Variants in UPRT observed in about 807,000 individuals in gnomAD.
UPRT encodes uracil phosphoribosyltransferase homolog, also known as RP11-311P8.3.
UPRT carries 5 observed loss-of-function variants against 22.6 expected under a neutral mutation model. The observed-to-expected ratio is 0.22, with a 90% CI of 0.12 to 0.47. The LOEUF (loss-of-function observed/expected upper bound fraction) is 0.47, where lower values mean the gene tolerates loss of function less well. Among genes scored for constraint, UPRT ranks in the 20% least tolerant of loss-of-function variants. The pLI, the probability that UPRT is intolerant of heterozygous loss-of-function variation, is 0.99. For missense variants in UPRT, 181 were observed against 239.9 expected, an observed-to-expected ratio of 0.75 and a Z score of 1.62; for synonymous variants, 77 against 87.7, an observed-to-expected ratio of 0.88 and a Z score of 0.68.
At chrX:75,197,341 T>G (rs1374549216) in intron 4 of UPRT, among the ~76,000 whole-genome samples, 1 of 111,650 alleles carries the variant, frequency 9.0e-6, no homozygotes, top group Non-Finnish European at 1.9e-5. Flanking sequence ...AATTCACAGT[T>G]AAAAGTTACA....
intron 4 of UPRT, among the ~76,000 whole-genome samples, chrX:75,267,186 C>T (rs2082592491): frequency 8.9e-6 from 1 of 111,888 alleles, no homozygotes; most frequent in African/African-American, 3.2e-5. Context: ...TTGGAACCAA[C>T]CGAAATGTCC....
At chrX:75,179,809 C>T (rs964019788) in intron 4 of UPRT, among the ~76,000 whole-genome samples, 2 of 112,628 alleles carry the variant, frequency 1.8e-5, no homozygotes, top group African/African-American at 6.4e-5. Flanking sequence ...CTGGCTGCTC[C>T]GAGCGCGGGG....
At chrX:75,189,113 G>T (rs757402539) in intron 4 of UPRT, among the ~76,000 whole-genome samples, 1 of 112,191 alleles carries the variant, frequency 8.9e-6, no homozygotes, top group East Asian at 2.8e-4. Flanking sequence ...TCTCTTGTGG[G>T]CATTTAGTGC....
intron 4 of UPRT, among the ~76,000 whole-genome samples, chrX:75,257,057 A>G (rs1179884833): frequency 8.9e-6 from 1 of 111,847 alleles, no homozygotes; most frequent in Non-Finnish European, 1.9e-5. Flanking sequence ...CCAGGAAAAA[A>G]CATAACCAAA....
chrX:75,251,637 C>G (rs2082530244), intron 4 of UPRT, among the ~76,000 whole-genome samples: 1 of 111,459 alleles, frequency 9.0e-6, no homozygotes, highest in Non-Finnish European at 1.9e-5. Context: ...GCCATACTGC[C>G]CAAGGTAATT....
chrX:75,272,334 A>ATATATATATG (rs1569279483), upstream of UPRT, among the ~76,000 whole-genome samples: 4 of 94,882 alleles, frequency 4.2e-5, no homozygotes, highest in African/African-American at 1.7e-4. Flanking sequence ...ATATATGTAT[A>ATATATATATG]TATATATATA....
chrX:75,293,456 T>C lies in UPRT; in HGVS notation c.387-16T>C, dbSNP rs753334146. 1.7e-6 allele frequency: 2 copies of C among 1,200,262 alleles called. No homozygotes were observed. Among genetic ancestry groups the C allele is most frequent in the South Asian group, 1.8e-5 (1 of 54,765 alleles). ...AAGCTCTAATTTAGACTAAAACTTGTATTATCTTTTTTTAGGACAGCCAGT... is the reference window on the plus strand; with the variant it reads ...AAGCTCTAATTTAGACTAAAACTTGCATTATCTTTTTTTAGGACAGCCAGT... On this transcript the variant is annotated splice_polypyrimidine_tract_variant and intron_variant, in intron 1 of 6. Transcript: ENST00000373383.
intron 4 of UPRT, among the ~76,000 whole-genome samples, chrX:75,235,788 G>A (rs2082460283): frequency 9.0e-6 from 1 of 111,473 alleles, no homozygotes; most frequent in Non-Finnish European, 1.9e-5. Flanking sequence ...GGTATTGCTG[G>A]GATGTATCTC....
At chrX:75,300,699 A>G (rs2082741032) in intron 5 of UPRT, among the ~76,000 whole-genome samples, 168 bp from the exon 6 acceptor site, 1 of 110,666 alleles carries the variant, frequency 9.0e-6, no homozygotes, top group African/African-American at 3.3e-5. Flanking sequence ...AGGTGGGAGG[A>G]TGGCTTGAGC....
rs1158271315 is a variant in UPRT at position 75,300,788 on chromosome X, C to A, written c.725-79C>A. The A allele has an allele frequency of 8.8e-6, 7 of 794,925 alleles. No homozygotes were observed. In the Admixed American group the frequency reaches 1.1e-4, roughly 12 times the overall value. 65.5% of individuals were successfully genotyped at this position (794,925 alleles called of 1,213,427 possible). A position where few individuals can be genotyped will look rare whatever the true frequency, so the allele number is the denominator to read the frequency against. On this transcript the variant is annotated intron_variant, in intron 5 of 6. Coordinates refer to ENST00000373383, the MANE Select transcript of UPRT (RefSeq NM_145052.4). ...AGTGACAGAGTGATTCCCTGTCCCC[C>A]CTCCCCCAAAAAAAGAAAAAAGACA... is the stretch of plus-strand genomic sequence containing the variant.
intron 1 of UPRT, chrX:75,156,848 T>A: frequency 3.4e-6 from 1 of 292,184 alleles, no homozygotes; most frequent in Non-Finnish European, 6.6e-6. Flanking sequence ...TGTTCTCTGT[T>A]GCGCAAACCT....
intron 1 of UPRT, among the ~76,000 whole-genome samples, chrX:75,278,603 A>C (rs1027840974): frequency 2.9e-4 from 32 of 112,191 alleles, no homozygotes; most frequent in African/African-American, 1.0e-3. Flanking sequence ...CTCATATTTA[A>C]AGGCAATGCA....
intron 4 of UPRT, among the ~76,000 whole-genome samples, chrX:75,243,280 TG>T (rs1475624633): frequency 9.0e-6 from 1 of 111,402 alleles, no homozygotes. Flanking sequence ...GCAACATGCC[TG>T]GCAAATAGTA....
At chrX:75,220,295 T>C (rs2147634886) in intron 4 of UPRT, among the ~76,000 whole-genome samples, 1 of 111,464 alleles carries the variant, frequency 9.0e-6, no homozygotes, top group African/African-American at 3.2e-5. Context: ...TATATGTGTC[T>C]TTATAGGTGA....
chrX:75,283,176 A>T (rs186927951), intron 1 of UPRT, among the ~76,000 whole-genome samples: 88 of 111,871 alleles, frequency 7.9e-4, no homozygotes, highest in African/African-American at 2.7e-3. Flanking sequence ...CTCATGTGTT[A>T]GGTGAGTCTC....
upstream of UPRT, among the ~76,000 whole-genome samples, chrX:75,271,433 G>A (rs1226879068): frequency 9.0e-6 from 1 of 111,727 alleles, no homozygotes; most frequent in Non-Finnish European, 1.9e-5. Context: ...GGAATAATTG[G>A]CTAACCACAT....
intron 4 of UPRT, among the ~76,000 whole-genome samples, chrX:75,203,345 G>C (rs1002182026): frequency 9.0e-6 from 1 of 110,878 alleles, no homozygotes; most frequent in Non-Finnish European, 1.9e-5. Context: ...TACAATAATA[G>C]TCGGAGACTT....
At chrX:75,187,991 A>G (rs1448568428) in intron 4 of UPRT, among the ~76,000 whole-genome samples, 1 of 111,637 alleles carries the variant, frequency 9.0e-6, no homozygotes, top group Admixed American at 9.5e-5. Flanking sequence ...GCTCGGAGTA[A>G]TTTGATCGTC....
At chrX:75,233,279 G>A (rs1469633688) in intron 4 of UPRT, among the ~76,000 whole-genome samples, 5 of 110,683 alleles carry the variant, frequency 4.5e-5, no homozygotes, top group Non-Finnish European at 3.8e-5. Context: ...AGAAATATGA[G>A]ACTATGTGAA....
Sources: allele counts gnomAD v4.1 joint callset (sites outside exome capture counted in the v4.1 genomes callset), GRCh38; gene constraint gnomAD v4.1.1; transcripts MANE v1.5; gene names NCBI Gene and HGNC (gene_info 2026-07-23, HGNC 2026-07-21).